Variants in PDZD2 observed in about 807,000 individuals in gnomAD.
The protein encoded by PDZD2 is PDZ domain containing 2.
Under a neutral mutation model 220.7 loss-of-function variants are expected in PDZD2, and 90 were observed. The observed-to-expected ratio is 0.41, with a 90% CI of 0.34 to 0.49. PDZD2 has a LOEUF of 0.49. Ranked by LOEUF, PDZD2 falls within the 20% of genes least tolerant of loss-of-function variation. The pLI is 0.28. For missense variants in PDZD2, 3,174 were observed against 3,608.5 expected, an observed-to-expected ratio of 0.88 and a Z score of 3.08; for synonymous variants, 1,375 against 1,450.5, an observed-to-expected ratio of 0.95 and a Z score of 1.18.
chr5:31,740,549 A>AT (rs1750193007), intron 1 of PDZD2, among the ~76,000 whole-genome samples: 1 of 140,258 alleles, frequency 7.1e-6, no homozygotes, highest in Non-Finnish European at 1.5e-5. Context: ...AAAAAAAAAA[A>AT]AAAAAAAAAT....
At chr5:32,056,424 C>T (rs1739085814) in intron 10 of PDZD2, among the ~76,000 whole-genome samples, 1 of 152,204 alleles carries the variant, frequency 6.6e-6, no homozygotes, top group African/African-American at 2.4e-5. Context: ...CAGAGTCCCT[C>T]TTCTCTACAG....
Position 32,095,607 on chromosome 5 carries a change from G to A in PDZD2, c.7846-1672G>A, listed in dbSNP as rs73061721. On this transcript the variant is annotated intron_variant, in intron 21 of 24. Transcript: ENST00000438447. ...GAGGCTCTCAGAGGCAAAATTTGGC[G>A]CAATAGTCAGCTTCTAGCATATCTG... Among the ~76,000 whole-genome samples the A allele has an allele frequency of 8.1e-3, 1,234 of 152,012 alleles. 15 individuals carry two copies. The highest frequency in any genetic ancestry group is 0.028 in the African/African-American group (1,145 of 41,448).
At chr5:31,965,794 G>A (rs539260797) in intron 2 of PDZD2, among the ~76,000 whole-genome samples, 1 of 152,132 alleles carries the variant, frequency 6.6e-6, no homozygotes, top group African/African-American at 2.4e-5. Flanking sequence ...AGCTACTCGG[G>A]AGACTGAGAC....
At chr5:31,714,165 C>T (rs899299775) in intron 1 of PDZD2, among the ~76,000 whole-genome samples, 1 of 152,168 alleles carries the variant, frequency 6.6e-6, no homozygotes. Flanking sequence ...AGGTTTGTAG[C>T]CACTAGGTTG....
At chr5:31,806,960 G>C (rs908417754) in intron 2 of PDZD2, among the ~76,000 whole-genome samples, 3 of 140,760 alleles carry the variant, frequency 2.1e-5, no homozygotes, top group African/African-American at 8.0e-5. Flanking sequence ...TTAAGACGGA[G>C]TTTCACTCTT....
chr5:31,930,824 C>T lies in PDZD2; in HGVS notation c.477-52331C>T, dbSNP rs116416267. ...GTGGCTCAGGCCTGTAATCCCAGTA[C>T]TTTGGGAGGCCAAGGCTAGTGGATC... On this transcript the variant is annotated intron_variant, in intron 2 of 24. Coordinates refer to ENST00000438447, the MANE Select transcript of PDZD2 (RefSeq NM_178140.4). Among the ~76,000 whole-genome samples the T allele has an allele frequency of 3.0e-3, 451 of 152,218 alleles. 2 individuals carry two copies. Among genetic ancestry groups the T allele is most frequent in the African/African-American group, 0.01 (431 of 41,542 alleles).
rs1433511717 is a variant in PDZD2, at chr5:32,098,949, G to A, written c.8218+315G>A. Among the ~76,000 whole-genome samples, 1 of 152,182 alleles carries A rather than the reference G, an allele frequency of 6.6e-6. No individual in the cohort carries two copies. Among genetic ancestry groups the A allele is most frequent in the Non-Finnish European group, 1.5e-5 (1 of 68,032 alleles). On this transcript the variant is annotated intron_variant, in intron 23 of 24. Coordinates refer to ENST00000438447, the MANE Select transcript of PDZD2 (RefSeq NM_178140.4). The surrounding 1 kb of genome is among the most constrained non-coding windows in gnomAD (Gnocchi z 4.1). ...ACAGCCTCTTGTTAGGACTGGTAAG[G>A]AAAACAGGAAACTACGTGACGGGGC...
At chr5:31,846,910 A>G (rs1757614029) in intron 2 of PDZD2, among the ~76,000 whole-genome samples, 1 of 152,226 alleles carries the variant, frequency 6.6e-6, no homozygotes, top group Non-Finnish European at 1.5e-5. Context: ...GATTTAGGAT[A>G]AATTGTCCTA....
At position 31,644,100 on chromosome 5, in the gene PDZD2, T is replaced by C. The variant is rs1561359553; in HGVS notation, c.-361+4663T>C. 2.0e-5 allele frequency among the ~76,000 whole-genome samples: 3 copies of C among 152,210 alleles called. No individual in the cohort carries two copies. The South Asian group carries it at 6.2e-4, about 32-fold the overall frequency. On this transcript the variant is annotated intron_variant, in intron 1 of 24. Transcript: ENST00000438447. ...CACCCACCTCAGCCTCCCAAAGTGC[T>C]GGGATTATAGGCATTGAAGAATGTT...
chr5:32,036,822 AG>A (rs1335324655), intron 6 of PDZD2, among the ~76,000 whole-genome samples: 3 of 152,244 alleles, frequency 2.0e-5, no homozygotes, highest in Admixed American at 6.5e-5. Context: ...TGTGGGAAAA[AG>A]CACTGGCCTA....
In PDZD2 at chr5:31,846,195, G is replaced by A. The variant is rs555514404; in HGVS notation, c.476+46471G>A. 5.9e-5 allele frequency among the ~76,000 whole-genome samples: 9 copies of A among 152,280 alleles called. No homozygotes were observed. The South Asian group carries it at 1.0e-3, about 18-fold the overall frequency. ...GTTGCCCAGGCTTGAGTGCAGTGGC[G>A]CAATCTCGCCTCACTGCAACCTCCG... On this transcript the variant is annotated intron_variant, in intron 2 of 24. Transcript: ENST00000438447.
chr5:32,110,190 A>T lies in PDZD2; in HGVS notation c.*2055A>T, dbSNP rs544276999. On this transcript the variant is annotated 3_prime_UTR_variant, in exon 25 of 25. Transcript: ENST00000438447. ...CTGTGCCTAATAATAATTAATTAAT[A>T]AACGCACAGCCCTATGTGAACAGAC... is the stretch of plus-strand genomic sequence containing the variant. 1 of 152,714 alleles carries T rather than the reference A, an allele frequency of 6.5e-6. No individual in the cohort carries two copies. Among genetic ancestry groups the T allele is most frequent in the African/African-American group, 2.4e-5 (1 of 41,522 alleles). The allele number at this position is 152,714 out of a possible 1,614,324, so 9.5% of individuals were successfully genotyped here.
At chr5:31,761,489 G>A (rs1561438666) in intron 1 of PDZD2, among the ~76,000 whole-genome samples, 1 of 151,398 alleles carries the variant, frequency 6.6e-6, no homozygotes, top group East Asian at 1.9e-4. Context: ...TATTCTCGGG[G>A]GAAAAAAAAT....
At chr5:31,820,756 CA>C (rs1195424723) in intron 2 of PDZD2, 2 of 151,896 alleles carry the variant, frequency 1.3e-5, no homozygotes, top group Non-Finnish European at 2.9e-5. Flanking sequence ...ATTATTTTAC[CA>C]AATTACACCC....
intron 1 of PDZD2, among the ~76,000 whole-genome samples, chr5:31,642,055 A>G (rs888769698): frequency 1.6e-4 from 25 of 151,890 alleles, no homozygotes; most frequent in Non-Finnish European, 3.2e-4. Context: ...AGCTGTGGAT[A>G]CCCCCTTGCC....
chr5:31,948,330 A>G (rs1746840621), intron 2 of PDZD2, among the ~76,000 whole-genome samples: 1 of 152,194 alleles, frequency 6.6e-6, no homozygotes. Flanking sequence ...GCTGCCGTAG[A>G]TGGTGCAGAT....
At chr5:31,671,561 G>A (rs1746217237) in intron 1 of PDZD2, among the ~76,000 whole-genome samples, 1 of 152,206 alleles carries the variant, frequency 6.6e-6, no homozygotes, top group Non-Finnish European at 1.5e-5. Context: ...CCTGGTGCCA[G>A]TCCCACGGCC....
At position 31,693,328 on chromosome 5, in the gene PDZD2, G is replaced by A. The variant is rs569181417; in HGVS notation, c.-361+53891G>A. ...ACGATCTCGGCTCACTGCAACCTCC[G>A]CCTCCCGGATTTAAGCGATTCTTCG... On this transcript the variant is annotated intron_variant, in intron 1 of 24. Transcript: ENST00000438447. Among the ~76,000 whole-genome samples, 497 of 141,900 alleles carry A rather than the reference G, an allele frequency of 3.5e-3. 1 individual carries two copies. The highest frequency in any genetic ancestry group is 4.8e-3 in the Non-Finnish European group (322 of 66,590). 93.1% of individuals were successfully genotyped at this position (141,900 alleles called of 152,430 possible). A position where few individuals can be genotyped will look rare whatever the true frequency, so the allele number is the denominator to read the frequency against.
At chr5:31,969,724 C>T (rs12110008) in intron 2 of PDZD2, among the ~76,000 whole-genome samples, 33,043 of 151,576 alleles carry the variant, frequency 0.22, 3,708 homozygotes, top group South Asian at 0.28. Flanking sequence ...CTAAAAATCA[C>T]TGAATTATAC....
Sources: allele counts gnomAD v4.1 joint callset (sites outside exome capture counted in the v4.1 genomes callset), GRCh38; gene constraint gnomAD v4.1.1; non-coding constraint Gnocchi (gnomAD v3.1); transcripts MANE v1.5; gene names NCBI Gene and HGNC (gene_info 2026-07-23, HGNC 2026-07-21).